NCOR2: variants seen among roughly 807,000 people sequenced by gnomAD.
NCOR2 encodes CTG repeat protein 26.
In NCOR2, 81 loss-of-function variants were observed where a neutral mutation model predicts 262.9. That is an observed-to-expected ratio of 0.31 (90% confidence interval 0.26 to 0.37). The LOEUF (loss-of-function observed/expected upper bound fraction) is 0.37, where lower values mean the gene tolerates loss of function less well. Among genes scored for constraint, NCOR2 ranks in the 10% least tolerant of loss-of-function variants. The pLI, the probability that NCOR2 is intolerant of heterozygous loss-of-function variation, is 1.00. For missense variants in NCOR2, 3,385 were observed against 3,621.4 expected (o/e 0.93, Z 1.68); for synonymous variants, 1,659 against 1,559.3 (o/e 1.06, Z -1.51).
chr12:124,511,459 G>C (rs113184489), intron 1 of NCOR2, among the ~76,000 whole-genome samples: 402 of 152,358 alleles, frequency 2.6e-3, no homozygotes, highest in African/African-American at 9.4e-3. Context: ...CCTGGGGCTT[G>C]CTGGGGGATG....
At chr12:124,411,046 G>A (rs2042553648) in intron 13 of NCOR2, among the ~76,000 whole-genome samples, 2 of 145,748 alleles carry the variant, frequency 1.4e-5, no homozygotes, top group African/African-American at 5.1e-5. Context: ...AGGGGGCGGG[G>A]GAGGAGGAAG....
Position 124,372,985 on chromosome 12 carries a change from C to T in NCOR2, c.2219-375G>A, listed in dbSNP as rs370735026. ...CATGTTCTCATCTGAGCTCTAACCC[C>T]GGCTCTGCCCCGCACTGGCTGCGTG... On this transcript the variant is annotated intron_variant, in intron 19 of 46. Transcript: ENST00000405201. Among the ~76,000 whole-genome samples, 11 of 152,248 alleles carry T rather than the reference C, an allele frequency of 7.2e-5. No homozygotes were observed. The South Asian group carries it at 1.7e-3, about 23-fold the overall frequency.
At position 124,378,497 on chromosome 12, in the gene NCOR2, G is replaced by T; in HGVS notation, c.2020-113C>A. The T allele has an allele frequency of 1.8e-6, 2 of 1,119,354 alleles. No individual in the cohort carries two copies. The highest frequency in any genetic ancestry group is 1.2e-6 in the Non-Finnish European group (1 of 807,578). The allele number at this position is 1,119,354 out of a possible 1,614,324, so 69.3% of individuals were successfully genotyped here. A position where few individuals can be genotyped will look rare whatever the true frequency, so the allele number is the denominator to read the frequency against. On this transcript the variant is annotated intron_variant, in intron 17 of 46. Coordinates refer to ENST00000405201, the Ensembl canonical transcript of NCOR2. This position sits in a 1 kb window ranked among gnomAD's most constrained non-coding sequence, Gnocchi z 4.2. ...AAAGGGCAGTGATCCCGGCCATGTA[G>T]CAATGAGGGTGACCGTCCCCCTCAC...
intron 39 of NCOR2, 29 bp from the exon 42 acceptor site, chr12:124,335,309 G>T (rs4765547): frequency 0.055 from 84,638 of 1,549,238 alleles, 3,518 homozygotes; most frequent in African/African-American, 0.19. Flanking sequence ...TGGTCAGGGG[G>T]TGTCTGCTGG....
intron 3 of NCOR2, among the ~76,000 whole-genome samples, chr12:124,473,452 G>C (rs888330311): frequency 6.6e-6 from 1 of 152,106 alleles, no homozygotes; most frequent in Non-Finnish European, 1.5e-5. Context: ...TCCTGCCCTC[G>C]AACATCACAC....
intron 17 of NCOR2, among the ~76,000 whole-genome samples, chr12:124,382,723 T>C (rs1483744061): frequency 2.6e-5 from 4 of 152,172 alleles, no homozygotes; most frequent in Non-Finnish European, 2.9e-5. Context: ...GCAGCTGCCA[T>C]TGCTTCCCTG....
At chr12:124,330,947 A>G in intron 43 of NCOR2, 49 bp from the exon 46 acceptor site, 2 of 1,547,306 alleles carry the variant, frequency 1.3e-6, no homozygotes, top group Non-Finnish European at 1.8e-6. Flanking sequence ...TCTGGGAATT[A>G]CCTGCCCTAC....
rs1483602601 is a variant in NCOR2 at position 124,388,420 on chromosome 12, C to T, written c.1877-2533G>A. On this transcript the variant is annotated intron_variant, in intron 16 of 46. Coordinates refer to ENST00000405201, the Ensembl canonical transcript of NCOR2. Reference sequence around the variant, plus strand: ...AGACCCAGCTTGAAGCCCCCGTCCACTTGGAGAGACCCCCTGTGCACACAG... The same window carrying T: ...AGACCCAGCTTGAAGCCCCCGTCCATTTGGAGAGACCCCCTGTGCACACAG... 2.0e-5 allele frequency among the ~76,000 whole-genome samples: 3 copies of T among 152,180 alleles called. 1 individual carries two copies. The highest frequency in any genetic ancestry group is 4.8e-5 in the African/African-American group (2 of 41,438).
At chr12:124,375,416 G>A (rs1296533992) in intron 18 of NCOR2, among the ~76,000 whole-genome samples, 1 of 152,206 alleles carries the variant, frequency 6.6e-6, no homozygotes, top group East Asian at 1.9e-4. Flanking sequence ...GACAGTGCAG[G>A]TGGCTGCACT....
rs1456880589 is a variant in NCOR2, at chr12:124,531,957, G to C, written c.-118+3608C>G. The stretch of plus-strand genomic sequence containing the variant: ...GGGCAACCCACTTTTGGGGCCAGGG[G>C]CTCCCACAGCCCCCTTCTAAGGTCC... On this transcript the variant is annotated intron_variant, in intron 1 of 46. Coordinates refer to the NCOR2 transcript ENST00000404621. This position sits in a 1 kb window ranked among gnomAD's most constrained non-coding sequence, Gnocchi z 4.5. Among the ~76,000 whole-genome samples, 1 of 151,948 alleles carries C rather than the reference G, an allele frequency of 6.6e-6. No individual in the cohort carries two copies. The highest frequency in any genetic ancestry group is 1.5e-5 in the Non-Finnish European group (1 of 67,980).
chr12:124,547,652 G>A (rs908863194), intron 1 of NCOR2, among the ~76,000 whole-genome samples: 1 of 152,122 alleles, frequency 6.6e-6, no homozygotes, highest in African/African-American at 2.4e-5. Context: ...CATCAACATG[G>A]AGTAGGTTCT....
intron 1 of NCOR2, among the ~76,000 whole-genome samples, chr12:124,545,895 C>CTG (rs1354824181): frequency 3.9e-5 from 6 of 152,200 alleles, no homozygotes; most frequent in African/African-American, 1.4e-4. Flanking sequence ...ACAGGCAGAG[C>CTG]TGTGAACTGG....
intron 16 of NCOR2, 56 bp from the exon 19 acceptor site, chr12:124,385,943 C>A (rs1395911704): frequency 2.5e-6 from 4 of 1,578,646 alleles, no homozygotes. Context: ...GCAGAGGGGG[C>A]CTGCATCCAT....
chr12:124,442,102 T>C (rs1353600104), intron 7 of NCOR2, among the ~76,000 whole-genome samples: 2 of 151,926 alleles, frequency 1.3e-5, no homozygotes, highest in African/African-American at 4.8e-5. Context: ...TAGCAGAGGG[T>C]CATGTGCCAC....
At position 124,558,325 on chromosome 12, in the gene NCOR2, GA is replaced by G. The variant is rs879690912; in HGVS notation, c.-165+8982del. On this transcript the variant is annotated intron_variant, in intron 1 of 32. Transcript: ENST00000458234. ...GCCCCACCACAGAATTGTGGGGAGC[GA>G]GCCAAGGGGAGGCCACAGGTGGGCA... Among the ~76,000 whole-genome samples, 147 of 150,866 alleles carry G rather than the reference GA, an allele frequency of 9.7e-4. 2 individuals are homozygous for G. The highest frequency in any genetic ancestry group is 2.1e-3 in the Admixed American group (32 of 15,068).
At chr12:124,522,874 C>T (rs2050262720) in intron 1 of NCOR2, among the ~76,000 whole-genome samples, 2 of 152,318 alleles carry the variant, frequency 1.3e-5, no homozygotes, top group African/African-American at 4.8e-5. Context: ...CCACCCTCTC[C>T]GGCCTGAGCC....
chr12:124,448,996 A>T (rs903720197), intron 7 of NCOR2, among the ~76,000 whole-genome samples: 1 of 152,114 alleles, frequency 6.6e-6, no homozygotes, highest in Non-Finnish European at 1.5e-5. Context: ...CCACGTGGCC[A>T]TATGTTCCTC....
intron 38 of NCOR2, 93 bp from the exon 41 acceptor site, chr12:124,335,725 G>T: frequency 7.2e-7 from 1 of 1,388,284 alleles, no homozygotes; most frequent in Non-Finnish European, 9.6e-7. Context: ...TGGGACCCCG[G>T]GGGGGTCAAG....
chr12:124,477,924 G>A (rs2136740021), intron 3 of NCOR2, among the ~76,000 whole-genome samples: 1 of 152,302 alleles, frequency 6.6e-6, no homozygotes, highest in South Asian at 2.1e-4. Context: ...AGACAGAGAG[G>A]CAGAAAAGCC....
Sources: gnomAD v4.1 joint callset for allele counts (sites outside exome capture counted in the v4.1 genomes callset) on GRCh38, gnomAD v4.1.1 for gene constraint, Gnocchi (gnomAD v3.1) non-coding constraint, MANE v1.5 for transcripts, NCBI Gene and HGNC (gene_info 2026-07-23, HGNC 2026-07-21) for gene names.